Variants in RHBDL3 observed in about 807,000 individuals in gnomAD.
The protein encoded by RHBDL3 is rhomboid-related protein 3.
Under a neutral mutation model 48.2 loss-of-function variants are expected in RHBDL3, and 28 were observed. The observed-to-expected ratio is 0.58, with a 90% CI of 0.43 to 0.80. The LOEUF (loss-of-function observed/expected upper bound fraction) is 0.80, where lower values mean the gene tolerates loss of function less well. Ranked by LOEUF, RHBDL3 falls within the 30% of genes least tolerant of loss-of-function variation. RHBDL3 has a pLI of 0.00. For synonymous variants in RHBDL3, 208 were observed against 232.3 expected (o/e 0.90, Z 0.95); for missense variants, 464 against 542.7 (o/e 0.85, Z 1.44).
At chr17:32,314,133 A>C (rs748576968) in intron 7 of RHBDL3, among the ~76,000 whole-genome samples, 2 of 152,128 alleles carry the variant, frequency 1.3e-5, no homozygotes, top group Non-Finnish European at 2.9e-5. Flanking sequence ...CTTAGCTTGG[A>C]ACATGAAGAT....
chr17:32,275,757 G>T (rs1436738911), intron 2 of RHBDL3, among the ~76,000 whole-genome samples: 1 of 152,182 alleles, frequency 6.6e-6, no homozygotes, highest in Non-Finnish European at 1.5e-5. Context: ...GCTTTTGGGA[G>T]AAGCACCATG....
At chr17:32,306,176 C>T (rs1469296553) in intron 7 of RHBDL3, among the ~76,000 whole-genome samples, 1 of 152,106 alleles carries the variant, frequency 6.6e-6, no homozygotes, top group African/African-American at 2.4e-5. Flanking sequence ...GTAATCCCAG[C>T]ACTTTGGGAG....
rs1377424293 is a variant in RHBDL3 at position 32,265,884 on chromosome 17, G to C, written c.-306G>C. On this transcript the variant is annotated 5_prime_UTR_variant, in exon 1 of 9. Coordinates refer to ENST00000269051, the MANE Select transcript of RHBDL3 (RefSeq NM_138328.3). ...AGGGAGCGCGGGGAGCGGCGGGGCCGGGGCCGGCCCAAGGGCGCCCTCGCC... is the reference window on the plus strand; with the variant it reads ...AGGGAGCGCGGGGAGCGGCGGGGCCCGGGCCGGCCCAAGGGCGCCCTCGCC... 6.8e-6 allele frequency among the ~76,000 whole-genome samples: 1 copy of C among 147,200 alleles called. No homozygotes were observed. Among genetic ancestry groups the C allele is most frequent in the Non-Finnish European group, 1.5e-5 (1 of 66,028 alleles).
At chr17:32,283,508 A>G (rs945061007) in intron 2 of RHBDL3, among the ~76,000 whole-genome samples, 6 of 151,530 alleles carry the variant, frequency 4.0e-5, no homozygotes, top group Non-Finnish European at 8.8e-5. Flanking sequence ...TATTTTTAGT[A>G]GAGACGGGGT....
chr17:32,284,534 C>A (rs1567769312), intron 2 of RHBDL3, 125 bp from the exon 3 acceptor site: 3 of 858,026 alleles, frequency 3.5e-6, no homozygotes, highest in Admixed American at 5.2e-5. Flanking sequence ...ATCTCCCAGA[C>A]ACTGAGCCTC....
intron 2 of RHBDL3, among the ~76,000 whole-genome samples, chr17:32,270,032 G>A (rs950533851): frequency 3.3e-5 from 5 of 149,644 alleles, no homozygotes; most frequent in Non-Finnish European, 7.4e-5. Flanking sequence ...ATTAATTCTA[G>A]GAAAGAAATT....
At chr17:32,314,089 T>G (rs1174239841) in intron 7 of RHBDL3, among the ~76,000 whole-genome samples, 1 of 151,636 alleles carries the variant, frequency 6.6e-6, no homozygotes, top group Non-Finnish European at 1.5e-5. Context: ...TATGTATATA[T>G]CAGCAGGTGA....
chr17:32,279,123 T>C (rs2039982193), intron 2 of RHBDL3, among the ~76,000 whole-genome samples: 1 of 152,136 alleles, frequency 6.6e-6, no homozygotes, highest in African/African-American at 2.4e-5. Context: ...CAAGATCCTG[T>C]TGTTTCTTAA....
chr17:32,283,022 C>A (rs2040095352), intron 2 of RHBDL3, among the ~76,000 whole-genome samples: 1 of 152,180 alleles, frequency 6.6e-6, no homozygotes, highest in Admixed American at 6.5e-5. Context: ...CTAAAATAGC[C>A]TTCATTGACC....
intron 7 of RHBDL3, among the ~76,000 whole-genome samples, chr17:32,306,388 C>T (rs1271851706): frequency 1.3e-5 from 2 of 152,216 alleles, no homozygotes; most frequent in Non-Finnish European, 2.9e-5. Context: ...CGCACCACTG[C>T]ACTCCAGCCT....
intron 2 of RHBDL3, among the ~76,000 whole-genome samples, chr17:32,272,653 A>G (rs1349363568): frequency 6.6e-6 from 1 of 152,186 alleles, no homozygotes; most frequent in East Asian, 1.9e-4. Flanking sequence ...CTCCTGCCCC[A>G]GTGACCCCAT....
intron 5 of RHBDL3, among the ~76,000 whole-genome samples, chr17:32,295,050 A>G (rs1001344850): frequency 6.6e-6 from 1 of 152,164 alleles, no homozygotes; most frequent in African/African-American, 2.4e-5. Context: ...TTTATATGGT[A>G]GAAGCACTTT....
chr17:32,276,891 C>A (rs183138485), intron 2 of RHBDL3, among the ~76,000 whole-genome samples: 117 of 59,760 alleles, frequency 2.0e-3, no homozygotes, highest in African/African-American at 4.8e-3. Flanking sequence ...GCCCTAGCAC[C>A]TTACTCCGGC....
At chr17:32,319,289 G>C (rs1444126585) in intron 8 of RHBDL3, among the ~76,000 whole-genome samples, 2 of 151,962 alleles carry the variant, frequency 1.3e-5, no homozygotes, top group African/African-American at 2.4e-5. Flanking sequence ...GGGTGTGGTG[G>C]CACATGCCTG....
At chr17:32,314,367 T>C (rs1018098760) in intron 7 of RHBDL3, among the ~76,000 whole-genome samples, 36 of 152,098 alleles carry the variant, frequency 2.4e-4, no homozygotes, top group Admixed American at 2.0e-4. Context: ...GCTATGAACA[T>C]GGGTATCGCT....
At chr17:32,275,649 G>T (rs540509277) in intron 2 of RHBDL3, among the ~76,000 whole-genome samples, 1 of 152,156 alleles carries the variant, frequency 6.6e-6, no homozygotes, top group Non-Finnish European at 1.5e-5. Context: ...CTGAGTTCAG[G>T]CCAGGATGCC....
At position 32,322,645 on chromosome 17, in the gene RHBDL3, CAG is replaced by C. The variant is rs2041163555; in HGVS notation, c.*1419_*1420del. ...AATTGTTGGGTGCATGGATGAACCT[CAG>C]AGGGAGGGCAGCCAGTAGCCTCGGA... On this transcript the variant is annotated 3_prime_UTR_variant, in exon 9 of 9. Transcript: ENST00000269051. 1 of 152,154 alleles carries C rather than the reference CAG, an allele frequency of 6.6e-6. No individual in the cohort carries two copies. The highest frequency in any genetic ancestry group is 1.5e-5 in the Non-Finnish European group (1 of 68,056). 9.4% of individuals were successfully genotyped at this position (152,154 alleles called of 1,614,324 possible).
chr17:32,267,683 C>A, intron 1 of RHBDL3: 24 of 409,886 alleles, frequency 5.9e-5, no homozygotes, highest in East Asian at 3.1e-4. Context: ...CCATCCCTTA[C>A]TGTGAGTTTC....
rs979845884 is a variant in RHBDL3, at chr17:32,322,353, T to G, written c.*1124T>G. On this transcript the variant is annotated 3_prime_UTR_variant, in exon 9 of 9. Coordinates refer to ENST00000269051, the MANE Select transcript of RHBDL3 (RefSeq NM_138328.3). ...CCTGCCCCTGAGCATCACTGACCGG[T>G]GGCAGAATGGCCCTGCTGGAGGGAG... 3.9e-5 allele frequency: 6 copies of G among 152,326 alleles called. No homozygotes were observed. Among genetic ancestry groups the G allele is most frequent in the Non-Finnish European group, 7.3e-5 (5 of 68,100 alleles). 9.4% of individuals were successfully genotyped at this position (152,326 alleles called of 1,614,324 possible). A position where few individuals can be genotyped will look rare whatever the true frequency, so the allele number is the denominator to read the frequency against.
Sources: allele counts gnomAD v4.1 joint callset (sites outside exome capture counted in the v4.1 genomes callset), GRCh38; gene constraint gnomAD v4.1.1; transcripts MANE v1.5; gene names NCBI Gene and HGNC (gene_info 2026-07-23, HGNC 2026-07-21).